TRNP1: variants seen among roughly 807,000 people sequenced by gnomAD.
TRNP1 encodes TMF1 regulated nuclear protein 1.
TRNP1 carries 16 observed loss-of-function variants against 12.2 expected under a neutral mutation model. The observed-to-expected ratio is 1.31, with a 90% CI of 0.89 to 1.99. TRNP1 has a LOEUF of 1.99. TRNP1 is among the 30% of genes most tolerant of loss of function. The probability of loss-of-function intolerance (pLI) is 0.00; values close to 1 mark genes in which losing one functional copy is unlikely to be tolerated. For synonymous variants in TRNP1, 139 were observed against 166.2 expected (o/e 0.84, Z 1.26); for missense variants, 338 against 330.4 (o/e 1.02, Z -0.18).
chr1:26,993,757 C>T lies in TRNP1; in HGVS notation c.-30C>T. The T allele has an allele frequency of 7.8e-7, 1 of 1,284,214 alleles. No homozygotes were observed. Among genetic ancestry groups the T allele is most frequent in the Non-Finnish European group, 9.8e-7 (1 of 1,017,570 alleles). The allele number at this position is 1,284,214 out of a possible 1,614,324, so 79.6% of individuals were successfully genotyped here. A position where few individuals can be genotyped will look rare whatever the true frequency, so the allele number is the denominator to read the frequency against. On this transcript the variant is annotated 5_prime_UTR_variant, in exon 1 of 2. Coordinates refer to ENST00000522111, the MANE Select transcript of TRNP1 (RefSeq NM_001013642.3). ...TGTGGTCATCCTCCCTGCGCACCTA[C>T]AGCCGCAGACCGCCGGTGGGGGGCG...
chr1:26,999,027 G>T (rs949388616), intron 1 of TRNP1, among the ~76,000 whole-genome samples: 3 of 152,182 alleles, frequency 2.0e-5, no homozygotes, highest in Non-Finnish European at 2.9e-5. Context: ...GGCAGAAGGT[G>T]CCCCTCCCAG....
In TRNP1 at chr1:26,996,745, T is replaced by G. The variant is rs567837878; in HGVS notation, c.*142+2133T>G. Among the ~76,000 whole-genome samples, 6 of 152,074 alleles carry G rather than the reference T, an allele frequency of 3.9e-5. No homozygotes were observed. The East Asian group carries it at 1.2e-3, about 29-fold the overall frequency. On this transcript the variant is annotated intron_variant, in intron 1 of 1. Transcript: ENST00000522111. ...TTTATTTGTAATCAGCTTGTCCCGA[T>G]TTGGGGGTGGGGTGGGTGAGTAGAG... is the stretch of plus-strand genomic sequence containing the variant.
intron 1 of TRNP1, among the ~76,000 whole-genome samples, chr1:26,995,757 AG>A (rs1168641490): frequency 6.6e-6 from 1 of 152,156 alleles, no homozygotes; most frequent in African/African-American, 2.4e-5. Context: ...CAGCCTCCCA[AG>A]TAGCTGGGAT....
intron 1 of TRNP1, among the ~76,000 whole-genome samples, chr1:26,998,816 CAG>C (rs746161526): frequency 2.6e-5 from 4 of 152,170 alleles, no homozygotes; most frequent in East Asian, 3.8e-4. Flanking sequence ...GGTGAAGAAA[CAG>C]AGAGGGAGGG....
At position 26,998,222 on chromosome 1, in the gene TRNP1, A is replaced by G. The variant is rs556113296; in HGVS notation, c.*143-1625A>G. Among the ~76,000 whole-genome samples, 486 of 143,130 alleles carry G rather than the reference A, an allele frequency of 3.4e-3. 3 individuals are homozygous for G. Among genetic ancestry groups the G allele is most frequent in the African/African-American group, 0.011 (464 of 40,590 alleles). 93.9% of individuals were successfully genotyped at this position (143,130 alleles called of 152,430 possible). ...CATGGTGAAACCCCGCCTCTACTGA[A>G]AAAAAAAGGGGGGAGCAAAGGAAGC... is the stretch of plus-strand genomic sequence containing the variant. On this transcript the variant is annotated intron_variant, in intron 1 of 1. Transcript: ENST00000522111.
At position 26,994,067 on chromosome 1, in the gene TRNP1, C is replaced by T. The variant is rs2082532140; in HGVS notation, c.281C>T (p.Ala94Val). Residue 94 changes from alanine (A) to valine (V), a missense_variant, in exon 1 of 2, where the codon GCG becomes GTG. Physicochemically the swap from Ala to Val is moderately conservative, Grantham distance 64 (BLOSUM62 0). Transcript: ENST00000522111. This position sits in a 1 kb window ranked among gnomAD's most constrained non-coding sequence, Gnocchi z 6.9. ...CCCGGAGGGGGCTCTGGCGCGGCTGCGGGGGCGGGGGGCCGCGCGCTGGAG... is the reference window on the plus strand; with the variant it reads ...CCCGGAGGGGGCTCTGGCGCGGCTGTGGGGGCGGGGGGCCGCGCGCTGGAG... Reference protein sequence around the residue: ...AGPGGGSGAAAGAGGRALELA... With the variant: ...AGPGGGSGAAVGAGGRALELA... 1.6e-6 allele frequency: 2 copies of T among 1,215,786 alleles called. No homozygotes were observed. The highest frequency in any genetic ancestry group is 1.6e-5 in the African/African-American group (1 of 62,808). 75.3% of individuals were successfully genotyped at this position (1,215,786 alleles called of 1,614,324 possible).
chr1:26,997,909 G>A (rs1254911200), intron 1 of TRNP1, among the ~76,000 whole-genome samples: 2 of 152,106 alleles, frequency 1.3e-5, no homozygotes, highest in Non-Finnish European at 1.5e-5. Context: ...CCCTTTGCCC[G>A]GTAGTCCCCG....
chr1:26,997,318 GAAAAAAAAAA>G (rs3028529), intron 1 of TRNP1, among the ~76,000 whole-genome samples: 1 of 81,844 alleles, frequency 1.2e-5, no homozygotes, highest in African/African-American at 5.5e-5. Context: ...TGTGTCTCAA[GAAAAAAAAAA>G]AAAAAAAAAA....
At position 26,993,715 on chromosome 1, in the gene TRNP1, T is replaced by G. The variant is rs1474259895; in HGVS notation, c.-72T>G. ...CTGGGGTGGGGGCTGTGGCCGTGTCTAGCTGTTCGGGTGTGCTGTGGTCAT... is the reference window on the plus strand; with the variant it reads ...CTGGGGTGGGGGCTGTGGCCGTGTCGAGCTGTTCGGGTGTGCTGTGGTCAT... On this transcript the variant is annotated 5_prime_UTR_variant, in exon 1 of 2. Coordinates refer to ENST00000522111, the MANE Select transcript of TRNP1 (RefSeq NM_001013642.3). 1.6e-6 allele frequency: 2 copies of G among 1,230,582 alleles called. No individual in the cohort carries two copies. Among genetic ancestry groups the G allele is most frequent in the Non-Finnish European group, 2.0e-6 (2 of 987,750 alleles). 76.2% of individuals were successfully genotyped at this position (1,230,582 alleles called of 1,614,324 possible). A position where few individuals can be genotyped will look rare whatever the true frequency, so the allele number is the denominator to read the frequency against.
chr1:26,995,197 A>G (rs1347588947), intron 1 of TRNP1, among the ~76,000 whole-genome samples: 1 of 152,222 alleles, frequency 6.6e-6, no homozygotes, highest in Non-Finnish European at 1.5e-5. Flanking sequence ...CAAAAATTAC[A>G]GCCTGACTCA....
intron 1 of TRNP1, among the ~76,000 whole-genome samples, chr1:26,997,348 C>G (rs369575018): frequency 1.3e-5 from 2 of 151,572 alleles, no homozygotes; most frequent in African/African-American, 4.8e-5. Flanking sequence ...AAAGCTCACC[C>G]GTCTGCCTCC....
rs2082536057 is a variant in TRNP1 at position 26,994,596 on chromosome 1, C to T, written c.*126C>T. On this transcript the variant is annotated 3_prime_UTR_variant, in exon 1 of 2. Transcript: ENST00000522111. The surrounding 1 kb of genome is among the most constrained non-coding windows in gnomAD (Gnocchi z 6.9). The stretch of plus-strand genomic sequence containing the variant: ...AAGAGGCAGTTGGGGGCCAGGGGCC[C>T]AGTAGAGGAGGCTGAGGTGCGGTCT... 5.6e-6 allele frequency: 4 copies of T among 718,440 alleles called. No individual in the cohort carries two copies. The highest frequency in any genetic ancestry group is 7.0e-6 in the Non-Finnish European group (4 of 572,216). The allele number at this position is 718,440 out of a possible 1,614,324, so 44.5% of individuals were successfully genotyped here.
chr1:26,994,075 G>A lies in TRNP1; in HGVS notation c.289G>A (p.Gly97Arg), dbSNP rs975726818. 58 of 1,217,328 alleles carry A rather than the reference G, an allele frequency of 4.8e-5. No individual in the cohort carries two copies. Among genetic ancestry groups the A allele is most frequent in the Admixed American group, 3.9e-4 (9 of 22,848 alleles). The allele number at this position is 1,217,328 out of a possible 1,614,324, so 75.4% of individuals were successfully genotyped here. Residue 97 changes from glycine to arginine, a missense_variant, in exon 1 of 2, where the codon GGG (glycine) becomes AGG (arginine). Coordinates refer to ENST00000522111, the MANE Select transcript of TRNP1 (RefSeq NM_001013642.3). This position sits in a 1 kb window ranked among gnomAD's most constrained non-coding sequence, Gnocchi z 6.9. ...GGGSGAAAGA[G>R]GRALELAEAR... is the part of the protein sequence containing the mutation. ...GGGCTCTGGCGCGGCTGCGGGGGCGGGGGGCCGCGCGCTGGAGCTGGCCGA... is the reference window on the plus strand; with the variant it reads ...GGGCTCTGGCGCGGCTGCGGGGGCGAGGGGCCGCGCGCTGGAGCTGGCCGA...
chr1:26,996,512 C>T (rs1237201970), intron 1 of TRNP1, among the ~76,000 whole-genome samples: 1 of 152,198 alleles, frequency 6.6e-6, no homozygotes, highest in African/African-American at 2.4e-5. Flanking sequence ...ACAGGGAACA[C>T]CTTCCAAAGC....
In TRNP1 at chr1:26,999,836, ATTC is replaced by A. The variant is rs2082563711; in HGVS notation, c.*143-8_*143-6del. 6.6e-6 allele frequency: 1 copy of A among 152,238 alleles called. No homozygotes were observed. Among genetic ancestry groups the A allele is most frequent in the Non-Finnish European group, 1.5e-5 (1 of 68,072 alleles). 9.4% of individuals were successfully genotyped at this position (152,238 alleles called of 1,614,324 possible). A position where few individuals can be genotyped will look rare whatever the true frequency, so the allele number is the denominator to read the frequency against. On this transcript the variant is annotated splice_polypyrimidine_tract_variant and splice_region_variant and intron_variant, in intron 1 of 1. Transcript: ENST00000522111. Reference sequence around the variant, plus strand: ...AGAGGCCATTAAAGCTCTTGGAATTATTCTTTCCAGCTCCTTCCAACTCCTCAG... The same window carrying A: ...AGAGGCCATTAAAGCTCTTGGAATTATTTCCAGCTCCTTCCAACTCCTCAG...
intron 1 of TRNP1, among the ~76,000 whole-genome samples, chr1:26,995,390 G>A (rs2082540294): frequency 6.6e-6 from 1 of 152,176 alleles, no homozygotes; most frequent in Non-Finnish European, 1.5e-5. Context: ...GCCTTAAAGA[G>A]CCAGATCTGA....
intron 1 of TRNP1, among the ~76,000 whole-genome samples, chr1:26,997,072 C>T (rs1337748240): frequency 6.6e-6 from 1 of 151,008 alleles, no homozygotes; most frequent in Non-Finnish European, 1.5e-5. Flanking sequence ...TGCGGTGGCT[C>T]ATGCCTGTAA....
In TRNP1 at chr1:26,994,542, G is replaced by A; in HGVS notation, c.*72G>A. ...GCCGACCGACCGACTGATCGCGGAC[G>A]CCGGCTGGAAGGACTACGGATCCGC... On this transcript the variant is annotated 3_prime_UTR_variant, in exon 1 of 2. Transcript: ENST00000522111. The surrounding 1 kb of genome is among the most constrained non-coding windows in gnomAD (Gnocchi z 6.9). 1 of 1,053,542 alleles carries A rather than the reference G, an allele frequency of 9.5e-7. No homozygotes were observed. Among genetic ancestry groups the A allele is most frequent in the Non-Finnish European group, 1.2e-6 (1 of 865,324 alleles). The allele number at this position is 1,053,542 out of a possible 1,614,324, so 65.3% of individuals were successfully genotyped here. A position where few individuals can be genotyped will look rare whatever the true frequency, so the allele number is the denominator to read the frequency against.
intron 1 of TRNP1, among the ~76,000 whole-genome samples, chr1:26,996,971 A>G (rs1458049489): frequency 6.6e-6 from 1 of 152,066 alleles, no homozygotes; most frequent in Non-Finnish European, 1.5e-5. Flanking sequence ...CCATTACCAC[A>G]TAGCCAACTA....
Sources: allele counts gnomAD v4.1 joint callset (sites outside exome capture counted in the v4.1 genomes callset), GRCh38; gene constraint gnomAD v4.1.1; non-coding constraint Gnocchi (gnomAD v3.1); transcripts MANE v1.5; gene names NCBI Gene and HGNC (gene_info 2026-07-23, HGNC 2026-07-21).